The following DCHS2 variants were observed in gnomAD, a reference collection of about 807,000 sequenced individuals.
The protein encoded by DCHS2 is dachsous cadherin-related 2.
Under a neutral mutation model 182.4 loss-of-function variants are expected in DCHS2, and 142 were observed. That is an observed-to-expected ratio of 0.78 (90% CI 0.68 to 0.89). The LOEUF (loss-of-function observed/expected upper bound fraction) is 0.89. Ranked by LOEUF, DCHS2 falls within the 40% of genes least tolerant of loss-of-function variation. The pLI, the probability that DCHS2 is intolerant of heterozygous loss-of-function variation, is 0.00. For synonymous variants in DCHS2, 1,740 were observed against 1,663.3 expected (o/e 1.05, Z -1.12); for missense variants, 4,319 against 4,198.6 (o/e 1.03, Z -0.79).
At chr4:154,366,481 C>G in intron 2 of DCHS2, 40 bp from the exon 3 acceptor site, 1 of 1,356,844 alleles carries the variant, frequency 7.4e-7, no homozygotes, top group Non-Finnish European at 1.0e-6. Context: ...TGGGTTTTTG[C>G]TGAACACTAG....
chr4:154,276,408 A>T (rs1483687744), intron 13 of DCHS2, among the ~76,000 whole-genome samples: 2 of 152,218 alleles, frequency 1.3e-5, no homozygotes, highest in South Asian at 4.1e-4. Context: ...TACTTAGATA[A>T]CTATTAATTA....
intron 3 of DCHS2, among the ~76,000 whole-genome samples, chr4:154,340,777 A>G (rs1478695074): frequency 6.6e-6 from 1 of 152,246 alleles, no homozygotes; most frequent in Non-Finnish European, 1.5e-5. Flanking sequence ...TCAATTATAG[A>G]GAGTTATACA....
intron 14 of DCHS2, among the ~76,000 whole-genome samples, chr4:154,260,091 G>A (rs903331042): frequency 5.9e-5 from 9 of 152,110 alleles, no homozygotes; most frequent in African/African-American, 9.7e-5. Flanking sequence ...GAAAGTGCTC[G>A]GATTATAGGC....
At chr4:154,273,738 T>C (rs530755505) in intron 13 of DCHS2, among the ~76,000 whole-genome samples, 10 of 152,238 alleles carry the variant, frequency 6.6e-5, no homozygotes, top group African/African-American at 2.2e-4. Flanking sequence ...TCCTCTGATA[T>C]TAGGCCTGTA....
At chr4:154,279,507 T>C (rs534333827) in intron 13 of DCHS2, among the ~76,000 whole-genome samples, 1 of 151,930 alleles carries the variant, frequency 6.6e-6, no homozygotes, top group East Asian at 1.9e-4. Flanking sequence ...AAGATGTAAA[T>C]AAGAACATTA....
intron 3 of DCHS2, among the ~76,000 whole-genome samples, chr4:154,356,299 CAAT>C (rs1368503126): frequency 1.3e-5 from 2 of 152,006 alleles, no homozygotes; most frequent in Admixed American, 1.3e-4. Context: ...TACAACTATA[CAAT>C]GTGTTTGTCT....
intron 1 of DCHS2, among the ~76,000 whole-genome samples, chr4:154,481,015 G>A (rs1218442229): frequency 1.3e-5 from 2 of 152,086 alleles, no homozygotes; most frequent in Admixed American, 1.3e-4. Context: ...GATTTGTGTT[G>A]TTCAGCTTTC....
At chr4:154,387,194 C>G (rs1731459471) in intron 1 of DCHS2, among the ~76,000 whole-genome samples, 1 of 152,114 alleles carries the variant, frequency 6.6e-6, no homozygotes, top group Non-Finnish European at 1.5e-5. Context: ...TAAGCAACCA[C>G]GAATTCTACT....
At position 154,286,705 on chromosome 4, in the gene DCHS2, A is replaced by C. The variant is rs1734417191; in HGVS notation, c.6463+11146T>G. Among the ~76,000 whole-genome samples, 4 of 152,110 alleles carry C rather than the reference A, an allele frequency of 2.6e-5. No individual in the cohort carries two copies. In the South Asian group the frequency reaches 8.3e-4, roughly 31 times the overall value. ...ATGAAAAAGAAGAAAGCACATCTAC[A>C]AGATCTAGAAAATAGCCTCAAAAGG... On this transcript the variant is annotated intron_variant, in intron 13 of 19. Transcript: ENST00000357232.
Position 154,490,120 on chromosome 4 carries a change from T to C in DCHS2, c.1236A>G (p.Ala412=). 1 of 1,548,124 alleles carries C rather than the reference T, an allele frequency of 6.5e-7. No individual in the cohort carries two copies. Among genetic ancestry groups the C allele is most frequent in the Non-Finnish European group, 8.7e-7 (1 of 1,145,446 alleles). Residue 412 remains alanine, a synonymous_variant, in exon 1 of 20, where the codon GCA becomes GCG. Transcript: ENST00000357232. The stretch of plus-strand genomic sequence containing the variant: ...CCTCTGTGAGAAAGAGCACGTGAAT[T>C]GCTGGCCGGTTGTCATTCACGTCCA... ...AVLDVNDNRP[A]IHVLFLTEGG...
intron 13 of DCHS2, among the ~76,000 whole-genome samples, chr4:154,287,821 ATTGT>A (rs750018210): frequency 2.0e-5 from 3 of 152,094 alleles, no homozygotes; most frequent in Non-Finnish European, 4.4e-5. Flanking sequence ...TGTTTGGTTG[ATTGT>A]TTGTTTATGC....
chr4:154,281,216 A>G (rs1319558912), intron 13 of DCHS2, among the ~76,000 whole-genome samples: 4 of 152,168 alleles, frequency 2.6e-5, no homozygotes, highest in African/African-American at 4.8e-5. Context: ...AAGAAAAAAA[A>G]TGCATGCAAA....
At chr4:154,419,109 G>A (rs949675917) in intron 1 of DCHS2, among the ~76,000 whole-genome samples, 1 of 152,202 alleles carries the variant, frequency 6.6e-6, no homozygotes, top group Non-Finnish European at 1.5e-5. Flanking sequence ...AATAGGCAAT[G>A]CTGCCATCAG....
At chr4:154,394,920 C>T (rs1217511639) in intron 1 of DCHS2, among the ~76,000 whole-genome samples, 2 of 152,138 alleles carry the variant, frequency 1.3e-5, no homozygotes, top group Non-Finnish European at 2.9e-5. Context: ...TTTGTTTATA[C>T]CAATTACAAT....
intron 13 of DCHS2, among the ~76,000 whole-genome samples, chr4:154,278,912 C>T (rs541023435): frequency 6.6e-6 from 1 of 151,886 alleles, no homozygotes; most frequent in East Asian, 1.9e-4. Flanking sequence ...CAAAAGGACA[C>T]TATACAGCAA....
Position 154,240,779 on chromosome 4 carries a change from C to T in DCHS2, c.7117G>A (p.Val2373Met). Reference sequence around the variant, plus strand: ...AATATGAAAGCTGAATTCAAATCCACATCATGAACTGACACATGAGTCACA... The same window carrying T: ...AATATGAAAGCTGAATTCAAATCCATATCATGAACTGACACATGAGTCACA... ...VIVTHVSVHDVDLNSAFIFSF... is the reference protein window; with the variant it reads ...VIVTHVSVHDMDLNSAFIFSF... The change falls in exon 18 of 20, where the codon GTG becomes ATG. Residue 2373 changes from valine (V) to methionine (M), a missense_variant. Val to Met is a conservative substitution (Grantham distance 21). Coordinates refer to ENST00000357232, the MANE Select transcript of DCHS2 (RefSeq NM_001358235.2). 6.2e-7 allele frequency: 1 copy of T among 1,613,854 alleles called. No homozygotes were observed. Among genetic ancestry groups the T allele is most frequent in the Non-Finnish European group, 8.5e-7 (1 of 1,179,866 alleles).
Position 154,235,242 on chromosome 4 carries a change from C to T in DCHS2, c.9410G>A (p.Arg3137Lys), listed in dbSNP as rs1731405798. ...TAGGCAGGAGAGCTGGTCTGAGTCC[C>T]TCGGGATACCCGAGTCTGGCACCCT... The part of the protein sequence containing the change: ...ESRVPDSGIP[R>K]DSDQLSCLSG... Residue 3137 changes from arginine to lysine, a missense_variant, in exon 20 of 20, where the codon AGG (arginine) becomes AAG (lysine). Coordinates refer to ENST00000357232, the MANE Select transcript of DCHS2 (RefSeq NM_001358235.2). 1 of 1,614,066 alleles carries T rather than the reference C, an allele frequency of 6.2e-7. No homozygotes were observed. The highest frequency in any genetic ancestry group is 8.5e-7 in the Non-Finnish European group (1 of 1,179,986).
At chr4:154,481,306 G>T (rs775401274) in intron 1 of DCHS2, among the ~76,000 whole-genome samples, 4 of 152,088 alleles carry the variant, frequency 2.6e-5, no homozygotes, top group Admixed American at 6.6e-5. Flanking sequence ...CTGTCACCCA[G>T]GCTGGGGTGC....
intron 1 of DCHS2, among the ~76,000 whole-genome samples, chr4:154,443,875 C>G (rs1200049640): frequency 6.6e-6 from 1 of 152,228 alleles, no homozygotes; most frequent in Admixed American, 6.5e-5. Context: ...AACTGCTTGT[C>G]AAGATCACCA....
Sources: gnomAD v4.1 joint callset for allele counts (sites outside exome capture counted in the v4.1 genomes callset) on GRCh38, gnomAD v4.1.1 for gene constraint, MANE v1.5 for transcripts, NCBI Gene and HGNC (gene_info 2026-07-23, HGNC 2026-07-21) for gene names.